SAFB: variants seen among roughly 807,000 people sequenced by gnomAD.
SAFB encodes the protein scaffold attachment factor B1.
In SAFB, 15 loss-of-function variants were observed where a neutral mutation model predicts 101.6. The ratio of observed to expected loss-of-function variants is 0.15; its 90% CI spans 0.10 to 0.23. The LOEUF is 0.23. Ranked by LOEUF, SAFB falls within the 10% of genes least tolerant of loss-of-function variation. The pLI, the probability that SAFB is intolerant of heterozygous loss-of-function variation, is 1.00. For synonymous variants in SAFB, 449 were observed against 407.5 expected, an observed-to-expected ratio of 1.10 and a Z score of -1.23; for missense variants, 930 against 1,104.1, an observed-to-expected ratio of 0.84 and a Z score of 2.23.
intron 2 of SAFB, among the ~76,000 whole-genome samples, chr19:5,636,050 T>C (rs1257575767): frequency 6.6e-6 from 1 of 152,044 alleles, no homozygotes; most frequent in Non-Finnish European, 1.5e-5. Context: ...ATTTTGAAGA[T>C]TGCATGTTCT....
At position 5,667,259 on chromosome 19, in the gene SAFB, A is replaced by G; in HGVS notation, c.2454-88A>G. 8.0e-7 allele frequency: 1 copy of G among 1,253,920 alleles called. No individual in the cohort carries two copies. The highest frequency in any genetic ancestry group is 1.1e-6 in the Non-Finnish European group (1 of 912,538). 77.7% of individuals were successfully genotyped at this position (1,253,920 alleles called of 1,614,324 possible). A position where few individuals can be genotyped will look rare whatever the true frequency, so the allele number is the denominator to read the frequency against. Reference sequence around the variant, plus strand: ...TGTGGGCACAGGGTGGGAAACACAGAGGGATTCACTCTCCAGAAGCCGCCA... The same window carrying G: ...TGTGGGCACAGGGTGGGAAACACAGGGGGATTCACTCTCCAGAAGCCGCCA... On this transcript the variant is annotated intron_variant, in intron 18 of 20. Transcript: ENST00000588852. The surrounding 1 kb of genome is among the most constrained non-coding windows in gnomAD (Gnocchi z 4.0).
Position 5,661,774 on chromosome 19 carries a change from C to T in SAFB, c.2119C>T (p.Arg707Trp). Residue 707 changes from arginine (R) to tryptophan (W), a missense_variant, in exon 15 of 21, where the codon CGG (arginine) becomes TGG (tryptophan). Around this residue, in one of 7 missense-constraint regions of SAFB, gnomAD observed 318 missense variants for 342.6 expected, o/e 0.93. Coordinates refer to ENST00000588852, the MANE Select transcript of SAFB (RefSeq NM_001201338.2). ...QQELRYEQER[R>W]PAVRRPYDLD... is the part of the protein sequence containing the mutation. ...GGAACTGCGCTATGAGCAGGAGCGGCGGCCCGCGGTGCGGCGGCCCTACGA... is the reference window on the plus strand; with the variant it reads ...GGAACTGCGCTATGAGCAGGAGCGGTGGCCCGCGGTGCGGCGGCCCTACGA... 2 of 1,568,734 alleles carry T rather than the reference C, an allele frequency of 1.3e-6. No individual in the cohort carries two copies. The highest frequency in any genetic ancestry group is 1.2e-5 in the South Asian group (1 of 86,508).
intron 12 of SAFB, 60 bp from the exon 13 acceptor site, chr19:5,654,308 G>T: frequency 1.3e-6 from 2 of 1,590,184 alleles, no homozygotes. Flanking sequence ...TGTTGCAGAG[G>T]GTTTTTCTCA....
At chr19:5,664,263 G>C in intron 16 of SAFB, 104 bp downstream of exon 16, 1 of 1,450,772 alleles carries the variant, frequency 6.9e-7, no homozygotes, top group South Asian at 1.2e-5. Context: ...TTCATCAGAT[G>C]TATGCTGAGT....
intron 2 of SAFB, among the ~76,000 whole-genome samples, chr19:5,632,212 G>A (rs898093984): frequency 4.6e-5 from 7 of 152,150 alleles, no homozygotes; most frequent in Admixed American, 1.3e-4. Flanking sequence ...CTGCTGGCTT[G>A]TTTTGTTCAG....
intron 1 of SAFB, among the ~76,000 whole-genome samples, chr19:5,624,648 C>T (rs1223392790): frequency 1.3e-5 from 2 of 151,332 alleles, no homozygotes; most frequent in Non-Finnish European, 2.9e-5. Flanking sequence ...ACGGAGATCA[C>T]AGGGCTTTAT....
intron 11 of SAFB, 75 bp downstream of exon 11, chr19:5,653,495 C>T (rs543504191): frequency 8.5e-6 from 11 of 1,291,618 alleles, no homozygotes; most frequent in African/African-American, 3.0e-5. Flanking sequence ...GAGATGGAGT[C>T]GCGCTCTGTC....
chr19:5,643,978 G>A (rs1219415960), intron 4 of SAFB, among the ~76,000 whole-genome samples: 3 of 152,136 alleles, frequency 2.0e-5, no homozygotes, highest in Admixed American at 2.0e-4. Context: ...AGATTCAATG[G>A]ATGGATGTTT....
chr19:5,657,147 C>A, intron 13 of SAFB, 94 bp from the exon 14 acceptor site: 1 of 809,706 alleles, frequency 1.2e-6, no homozygotes, highest in Non-Finnish European at 2.0e-6. Flanking sequence ...TCAAGTGATC[C>A]ACCCGCCCTG....
intron 2 of SAFB, among the ~76,000 whole-genome samples, chr19:5,639,814 T>C (rs1227105352): frequency 6.6e-6 from 1 of 151,996 alleles, no homozygotes; most frequent in African/African-American, 2.4e-5. Flanking sequence ...TGATGGGGGA[T>C]GGAGCCGAAG....
In SAFB at chr19:5,667,006, A is replaced by G. The variant is rs757745813; in HGVS notation, c.2335-40A>G. 5 of 1,307,906 alleles carry G rather than the reference A, an allele frequency of 3.8e-6. No individual in the cohort carries two copies. The highest frequency in any genetic ancestry group is 2.9e-5 in the African/African-American group (2 of 69,302). The allele number at this position is 1,307,906 out of a possible 1,614,324, so 81.0% of individuals were successfully genotyped here. ...AAAGCCTTGGGGTCTGGGCGCTGACACTGAAGCTTTTTTTTCCCTTCTGGC... is the reference window on the plus strand; with the variant it reads ...AAAGCCTTGGGGTCTGGGCGCTGACGCTGAAGCTTTTTTTTCCCTTCTGGC... On this transcript the variant is annotated intron_variant, in intron 17 of 20. Transcript: ENST00000588852. This position sits in a 1 kb window ranked among gnomAD's most constrained non-coding sequence, Gnocchi z 4.0.
At position 5,626,393 on chromosome 19, in the gene SAFB, CCTT is replaced by C; in HGVS notation, c.190-8_190-6del. 6.5e-7 allele frequency: 1 copy of C among 1,543,270 alleles called. No homozygotes were observed. The highest frequency in any genetic ancestry group is 9.0e-7 in the Non-Finnish European group (1 of 1,115,872). ...ACTTTTTGGATCAACTTTACTTTTC[CCTT>C]CTTTTTAGGCAATTGAAGATGAAGG... is the stretch of plus-strand genomic sequence containing the variant. On this transcript the variant is annotated splice_polypyrimidine_tract_variant and intron_variant, in intron 1 of 20. Transcript: ENST00000588852.
chr19:5,650,439 T>A (rs1224078215), intron 8 of SAFB, among the ~76,000 whole-genome samples: 1 of 151,878 alleles, frequency 6.6e-6, no homozygotes, highest in Non-Finnish European at 1.5e-5. Flanking sequence ...TGAGACAGAG[T>A]CTTGTTCTGT....
intron 17 of SAFB, chr19:5,665,262 AT>A (rs572839516): frequency 6.6e-6 from 1 of 152,136 alleles, no homozygotes; most frequent in South Asian, 2.1e-4. Context: ...GGCAAATTAT[AT>A]GCAGCAAAAC....
At chr19:5,630,067 T>C (rs1238971306) in intron 2 of SAFB, among the ~76,000 whole-genome samples, 5 of 152,116 alleles carry the variant, frequency 3.3e-5, no homozygotes, top group African/African-American at 1.2e-4. Flanking sequence ...CAAAAAGCTG[T>C]CCCAGGTTGT....
rs2053220371 is a variant in SAFB, at chr19:5,623,113, G to A, written c.-93G>A. 2 of 1,289,062 alleles carry A rather than the reference G, an allele frequency of 1.6e-6. No homozygotes were observed. The highest frequency in any genetic ancestry group is 2.2e-6 in the Non-Finnish European group (2 of 925,360). The allele number at this position is 1,289,062 out of a possible 1,614,324, so 79.9% of individuals were successfully genotyped here. ...CGAGGCGCGCTGGGGCGACTGGAGCGGTTCCCTCGCAGGCGGCGCCATTTT... is the reference window on the plus strand; with the variant it reads ...CGAGGCGCGCTGGGGCGACTGGAGCAGTTCCCTCGCAGGCGGCGCCATTTT... On this transcript the variant is annotated 5_prime_UTR_variant, in exon 1 of 21. Coordinates refer to ENST00000588852, the MANE Select transcript of SAFB (RefSeq NM_001201338.2).
At chr19:5,627,622 C>T (rs893411450) in intron 2 of SAFB, among the ~76,000 whole-genome samples, 2 of 152,164 alleles carry the variant, frequency 1.3e-5, no homozygotes, top group African/African-American at 4.8e-5. Flanking sequence ...ACCGAAATCT[C>T]TCTTGCCCAT....
At chr19:5,635,086 C>T (rs538848800) in intron 2 of SAFB, among the ~76,000 whole-genome samples, 1 of 152,120 alleles carries the variant, frequency 6.6e-6, no homozygotes, top group East Asian at 1.9e-4. Flanking sequence ...TCCGGTGAGC[C>T]GAGATCACGC....
At chr19:5,634,429 TC>T (rs2053553991) in intron 2 of SAFB, among the ~76,000 whole-genome samples, 1 of 152,080 alleles carries the variant, frequency 6.6e-6, no homozygotes, top group Non-Finnish European at 1.5e-5. Context: ...GGGGGAAAGC[TC>T]TAATCTTATC....
Sources: allele counts gnomAD v4.1 joint callset (sites outside exome capture counted in the v4.1 genomes callset), GRCh38; gene constraint gnomAD v4.1.1; regional missense constraint gnomAD v4.1.1; non-coding constraint Gnocchi (gnomAD v3.1); transcripts MANE v1.5; gene names NCBI Gene and HGNC (gene_info 2026-07-23, HGNC 2026-07-21).